SEC24B: variants seen among roughly 807,000 people sequenced by gnomAD.
SEC24B encodes protein transport protein Sec24B.
Under a neutral mutation model 142.8 loss-of-function variants are expected in SEC24B, and 45 were observed. That is an observed-to-expected ratio of 0.32 (90% CI 0.25 to 0.40). SEC24B has a LOEUF of 0.40. SEC24B is among the 10% of genes least tolerant of loss of function. The pLI is 1.00. For synonymous variants in SEC24B, 574 were observed against 568.2 expected (o/e 1.01, Z -0.15); for missense variants, 1,409 against 1,526.8 (o/e 0.92, Z 1.29).
At chr4:109,513,047 T>G (rs1166380313) in intron 9 of SEC24B, among the ~76,000 whole-genome samples, 1 of 147,120 alleles carries the variant, frequency 6.8e-6, no homozygotes, top group Non-Finnish European at 1.5e-5. Flanking sequence ...CGATCTCAGC[T>G]CACTGCAACC....
At chr4:109,533,758 T>G in intron 22 of SEC24B, 73 bp downstream of exon 22, 3 of 911,296 alleles carry the variant, frequency 3.3e-6, no homozygotes, top group East Asian at 2.4e-5. Flanking sequence ...TCATGTAATA[T>G]TCACCATTTT....
chr4:109,445,553 G>GTT (rs1729376113), intron 1 of SEC24B, among the ~76,000 whole-genome samples: 1 of 150,594 alleles, frequency 6.6e-6, no homozygotes. Flanking sequence ...CACCCAGCCT[G>GTT]TTATTTTTAT....
At chr4:109,472,584 A>G (rs1052998194) in intron 2 of SEC24B, among the ~76,000 whole-genome samples, 3 of 150,180 alleles carry the variant, frequency 2.0e-5, no homozygotes, top group African/African-American at 7.3e-5. Context: ...TGCAGAGTCA[A>G]AAACCTCTTA....
Position 109,520,489 on chromosome 4 carries a change from G to A in SEC24B, c.2245+5G>A. On this transcript the variant is annotated splice_donor_5th_base_variant and intron_variant, in intron 12 of 23. Coordinates refer to ENST00000265175, the MANE Select transcript of SEC24B (RefSeq NM_006323.5). ...TGATTGTGTCTGATATAGATGGTAA[G>A]CAGTCAGTAAAATAAAAGCCTTTCT... The A allele has an allele frequency of 6.5e-7, 1 of 1,536,454 alleles. No homozygotes were observed. Among genetic ancestry groups the A allele is most frequent in the South Asian group, 1.1e-5 (1 of 88,310 alleles).
Position 109,433,861 on chromosome 4 carries a change from A to C in SEC24B, c.-9A>C, listed in dbSNP as rs1460892853. 7.6e-7 allele frequency: 1 copy of C among 1,322,416 alleles called. No individual in the cohort carries two copies. Among genetic ancestry groups the C allele is most frequent in the Non-Finnish European group, 9.7e-7 (1 of 1,033,352 alleles). 81.9% of individuals were successfully genotyped at this position (1,322,416 alleles called of 1,614,324 possible). A position where few individuals can be genotyped will look rare whatever the true frequency, so the allele number is the denominator to read the frequency against. On this transcript the variant is annotated 5_prime_UTR_variant, in exon 1 of 24. Coordinates refer to ENST00000265175, the MANE Select transcript of SEC24B (RefSeq NM_006323.5). ...CTGAAGCGGAGCCGCCGTCGCCACCAGCGCCGTCATGTCGGCCCCCGCCGG... is the reference window on the plus strand; with the variant it reads ...CTGAAGCGGAGCCGCCGTCGCCACCCGCGCCGTCATGTCGGCCCCCGCCGG...
rs768766705 is a variant in SEC24B at position 109,530,311 on chromosome 4, A to G, written c.3099A>G (p.Ser1033=). ...TAGCTGTGGATCGGTCCGTTTCATCAAGTCTGTCAGATGCAAGAGATGCCT... is the reference window on the plus strand; with the variant it reads ...TAGCTGTGGATCGGTCCGTTTCATCGAGTCTGTCAGATGCAAGAGATGCCT... ...ANMAVDRSVS[S]SLSDARDALV... is the part of the protein sequence containing the mutation. Residue 1033 remains serine, a synonymous_variant, in exon 19 of 24, where the codon TCA becomes TCG. Transcript: ENST00000265175. The G allele has an allele frequency of 6.2e-7, 1 of 1,613,300 alleles. No individual in the cohort carries two copies. Among genetic ancestry groups the G allele is most frequent in the Non-Finnish European group, 8.5e-7 (1 of 1,179,606 alleles).
At chr4:109,494,352 G>A (rs1735314895) in intron 5 of SEC24B, among the ~76,000 whole-genome samples, 1 of 151,970 alleles carries the variant, frequency 6.6e-6, no homozygotes, top group Non-Finnish European at 1.5e-5. Flanking sequence ...ATATGGGGTG[G>A]AGTTTCTGTA....
In SEC24B at chr4:109,483,003, C is replaced by CACACACACACACATACACACACACAT. The variant is rs1408633373; in HGVS notation, c.1165+1223_1165+1224insCACACACACACATACACACACACATA. On this transcript the variant is annotated intron_variant, in intron 4 of 23. Transcript: ENST00000265175. ...ATACACACACACACACACACACACACATATTATACATATGTTTTTTATATA... is the reference window on the plus strand; with the variant it reads ...ATACACACACACACACACACACACACACACACACACACATACACACACACATATATTATACATATGTTTTTTATATA... Among the ~76,000 whole-genome samples the CACACACACACACATACACACACACAT allele has an allele frequency of 2.1e-4, 18 of 84,074 alleles. 1 individual carries two copies. Among genetic ancestry groups the CACACACACACACATACACACACACAT allele is most frequent in the South Asian group, 6.9e-4 (2 of 2,904 alleles). 55.2% of individuals were successfully genotyped at this position (84,074 alleles called of 152,430 possible).
intron 1 of SEC24B, among the ~76,000 whole-genome samples, chr4:109,434,450 C>T (rs1405191169): frequency 6.6e-6 from 1 of 152,208 alleles, no homozygotes. Context: ...CCGGAGAAGG[C>T]TGGTGCAGCC....
chr4:109,516,217 C>T (rs1262293528), intron 10 of SEC24B, among the ~76,000 whole-genome samples: 1 of 152,080 alleles, frequency 6.6e-6, no homozygotes, highest in Admixed American at 6.6e-5. Flanking sequence ...ATCTAGAGAG[C>T]TTAGTATTAA....
intron 3 of SEC24B, among the ~76,000 whole-genome samples, chr4:109,477,242 C>CT (rs1318406325): frequency 6.6e-6 from 1 of 150,994 alleles, no homozygotes; most frequent in Non-Finnish European, 1.5e-5. Flanking sequence ...TTGTTTTACT[C>CT]TATCAGCAGT....
chr4:109,534,690 AAAAT>A (rs1460980157), intron 22 of SEC24B, among the ~76,000 whole-genome samples: 31 of 152,366 alleles, frequency 2.0e-4, no homozygotes, highest in Middle Eastern at 3.4e-3. Context: ...CTATTTGGTA[AAAAT>A]AAATAAAGTA....
Position 109,433,919 on chromosome 4 carries a change from C to A in SEC24B, c.50C>A (p.Pro17Gln). 7.6e-7 allele frequency: 1 copy of A among 1,318,010 alleles called. No homozygotes were observed. The highest frequency in any genetic ancestry group is 9.7e-7 in the Non-Finnish European group (1 of 1,032,474). The allele number at this position is 1,318,010 out of a possible 1,614,324, so 81.6% of individuals were successfully genotyped here. A position where few individuals can be genotyped will look rare whatever the true frequency, so the allele number is the denominator to read the frequency against. Reference protein sequence around the residue: ...SSHPAASARIPPKFGGAAVSG... With the variant: ...SSHPAASARIQPKFGGAAVSG... Reference sequence around the variant, plus strand: ...CACCCGGCCGCCAGCGCCCGGATCCCGCCCAAGTTCGGCGGAGCGGCCGTC... The same window carrying A: ...CACCCGGCCGCCAGCGCCCGGATCCAGCCCAAGTTCGGCGGAGCGGCCGTC... Residue 17 changes from proline to glutamine, a missense_variant, in exon 1 of 24, where the codon CCG (proline) becomes CAG (glutamine). Physicochemically the swap from Pro to Gln is moderately conservative, Grantham distance 76. Coordinates refer to ENST00000265175, the MANE Select transcript of SEC24B (RefSeq NM_006323.5).
At position 109,471,175 on chromosome 4, in the gene SEC24B, C is replaced by T. The variant is rs1007598633; in HGVS notation, c.878-1829C>T. ...TTTATGGTTTTGAGACAGGGTCTCCCGCTTTCACCCAGGCTGGAGTGCAGT... is the reference window on the plus strand; with the variant it reads ...TTTATGGTTTTGAGACAGGGTCTCCTGCTTTCACCCAGGCTGGAGTGCAGT... On this transcript the variant is annotated intron_variant, in intron 2 of 23. Transcript: ENST00000265175. Among the ~76,000 whole-genome samples, 7 of 152,076 alleles carry T rather than the reference C, an allele frequency of 4.6e-5. No individual in the cohort carries two copies. In the South Asian group the frequency reaches 1.2e-3, roughly 27 times the overall value.
At chr4:109,457,166 T>G (rs1458208997) in intron 1 of SEC24B, among the ~76,000 whole-genome samples, 1 of 152,214 alleles carries the variant, frequency 6.6e-6, no homozygotes, top group Non-Finnish European at 1.5e-5. Flanking sequence ...TACTACACTT[T>G]GAGAATTTCT....
At chr4:109,442,044 C>G (rs1368124855) in intron 1 of SEC24B, among the ~76,000 whole-genome samples, 1 of 152,102 alleles carries the variant, frequency 6.6e-6, no homozygotes, top group Non-Finnish European at 1.5e-5. Flanking sequence ...TTTGAAATCA[C>G]CAAGGTTTGT....
chr4:109,506,460 G>T lies in SEC24B; in HGVS notation c.1621G>T (p.Ala541Ser), dbSNP rs758195632. 7 of 1,605,382 alleles carry T rather than the reference G, an allele frequency of 4.4e-6. No homozygotes were observed. The highest frequency in any genetic ancestry group is 4.5e-5 in the East Asian group (2 of 44,426). Residue 541 changes from alanine (A) to serine (S), a missense_variant, in exon 7 of 24, where the codon GCT becomes TCT. By Grantham distance (99) the Ala-to-Ser change is moderately conservative. This residue lies in a region of SEC24B where 709 missense variants were observed against 673.5 expected (regional missense o/e 1.05). Transcript: ENST00000265175. ...TATTTTACCTATGACTCCTGTTTGG[G>T]CTCCTGTACCTAACTTGAATGCAGA... Reference protein sequence around the residue: ...RNILPMTPVWAPVPNLNADLK... With the variant: ...RNILPMTPVWSPVPNLNADLK...
At chr4:109,447,597 T>C (rs1729603656) in intron 1 of SEC24B, among the ~76,000 whole-genome samples, 1 of 152,190 alleles carries the variant, frequency 6.6e-6, no homozygotes, top group Non-Finnish European at 1.5e-5. Context: ...GTAGCAAAAT[T>C]AAATTTTATT....
chr4:109,455,306 G>A (rs1040836055), intron 1 of SEC24B, among the ~76,000 whole-genome samples: 1 of 151,948 alleles, frequency 6.6e-6, no homozygotes, highest in Non-Finnish European at 1.5e-5. Flanking sequence ...CTGGTGTGTG[G>A]TGGTGCGATC....
Sources: gnomAD v4.1 joint callset for allele counts (sites outside exome capture counted in the v4.1 genomes callset) on GRCh38, gnomAD v4.1.1 for gene constraint, gnomAD v4.1.1 regional missense constraint, MANE v1.5 for transcripts, NCBI Gene and HGNC (gene_info 2026-07-23, HGNC 2026-07-21) for gene names.